Variants in CSRNP3 observed in about 807,000 individuals in gnomAD.
The protein encoded by CSRNP3 is cysteine/serine-rich nuclear protein 3.
CSRNP3 carries 12 observed loss-of-function variants against 48.0 expected under a neutral mutation model. That is an observed-to-expected ratio of 0.25 (90% CI 0.16 to 0.41). The LOEUF is 0.41. Among genes scored for constraint, CSRNP3 ranks in the 10% least tolerant of loss-of-function variants. CSRNP3 has a pLI of 1.00. For missense variants in CSRNP3, 580 were observed against 724.4 expected, an observed-to-expected ratio of 0.80 and a Z score of 2.29; for synonymous variants, 263 against 269.7, an observed-to-expected ratio of 0.98 and a Z score of 0.24.
chr2:165,682,752 C>T lies in CSRNP3; in HGVS notation c.*2999C>T, dbSNP rs147855810. The T allele has an allele frequency of 6.6e-6, 1 of 152,170 alleles. No homozygotes were observed. Among genetic ancestry groups the T allele is most frequent in the African/African-American group, 2.4e-5 (1 of 41,528 alleles). The allele number at this position is 152,170 out of a possible 1,614,324, so 9.4% of individuals were successfully genotyped here. A position where few individuals can be genotyped will look rare whatever the true frequency, so the allele number is the denominator to read the frequency against. ...GCCGTTCTATTCAACAAAGAGCTGC[C>T]CACATGCCAGGAAAGTGCTACAGTC... On this transcript the variant is annotated 3_prime_UTR_variant, in exon 7 of 7. Coordinates refer to ENST00000651982, the MANE Select transcript of CSRNP3 (RefSeq NM_001172173.2).
rs147846034 is a variant in CSRNP3, at chr2:165,679,393, G to A, written c.1398G>A (p.Ser466=). 413 of 1,613,294 alleles carry A rather than the reference G, an allele frequency of 2.6e-4. 1 individual carries two copies. In the East Asian group the frequency reaches 7.2e-3, roughly 28 times the overall value. ...ACACTGTCAAAAATGGTACCCTTTC[G>A]CTGGTGCCTTACACCATGACCCCGG... ...ERDTVKNGTL[S]LVPYTMTPEQ... Residue 466 remains serine (S), a synonymous_variant, in exon 7 of 7, where the codon TCG becomes TCA. Coordinates refer to ENST00000651982, the MANE Select transcript of CSRNP3 (RefSeq NM_001172173.2).
chr2:165,510,077 A>G (rs372916466), intron 2 of CSRNP3, among the ~76,000 whole-genome samples: 1 of 152,224 alleles, frequency 6.6e-6, no homozygotes, highest in African/African-American at 2.4e-5. Flanking sequence ...GGGATATATA[A>G]TATCAGCATA....
chr2:165,668,594 G>C (rs1049377596), intron 5 of CSRNP3, among the ~76,000 whole-genome samples: 3 of 151,752 alleles, frequency 2.0e-5, no homozygotes, highest in African/African-American at 7.3e-5. Context: ...TAGAGACAGG[G>C]TTTCACCATG....
intron 5 of CSRNP3, among the ~76,000 whole-genome samples, chr2:165,674,681 A>AATATATATAT (rs59117817): frequency 0.019 from 1,933 of 103,016 alleles, 43 homozygotes; most frequent in African/African-American, 0.041. Context: ...AATACTTCTG[A>AATATATATAT]ATATATATAT....
chr2:165,667,834 A>G (rs1687260540), intron 5 of CSRNP3, among the ~76,000 whole-genome samples: 1 of 152,176 alleles, frequency 6.6e-6, no homozygotes, highest in Admixed American at 6.5e-5. Flanking sequence ...TTACAACATT[A>G]TATCATATTT....
At position 165,606,825 on chromosome 2, in the gene CSRNP3, C is replaced by T. The variant is rs112297504; in HGVS notation, c.148+11612C>T. ...AGTATTTATGTAATTAAAACACACA[C>T]GCACAGAGAGTGGCACCATTTTTTA... On this transcript the variant is annotated intron_variant, in intron 4 of 6. Transcript: ENST00000651982. 4.9e-4 allele frequency among the ~76,000 whole-genome samples: 75 copies of T among 152,108 alleles called. 1 individual carries two copies. Among genetic ancestry groups the T allele is most frequent in the African/African-American group, 1.8e-3 (73 of 41,524 alleles).
intron 3 of CSRNP3, among the ~76,000 whole-genome samples, chr2:165,540,163 C>G: frequency 6.6e-6 from 1 of 152,096 alleles, no homozygotes; most frequent in East Asian, 1.9e-4. Context: ...AGTTCTCCCT[C>G]TCTTTTGCTC....
At position 165,583,002 on chromosome 2, in the gene CSRNP3, A is replaced by G. The variant is rs546130280; in HGVS notation, c.-23-12041A>G. On this transcript the variant is annotated intron_variant, in intron 3 of 6. Coordinates refer to ENST00000651982, the MANE Select transcript of CSRNP3 (RefSeq NM_001172173.2). ...GGAGTGCTCCCAGGGTTCTTGGCTT[A>G]AGCAGACACTTGGACAAGTGAAGTA... Among the ~76,000 whole-genome samples the G allele has an allele frequency of 2.5e-4, 38 of 152,312 alleles. 2 individuals carry two copies. The highest frequency in any genetic ancestry group is 8.7e-4 in the African/African-American group (36 of 41,572).
intron 4 of CSRNP3, among the ~76,000 whole-genome samples, chr2:165,637,001 A>C (rs963375839): frequency 6.6e-6 from 1 of 152,142 alleles, no homozygotes; most frequent in Non-Finnish European, 1.5e-5. Context: ...TCTGATCCAG[A>C]TAGGTTTGGT....
chr2:165,675,000 A>G (rs1687399766), intron 5 of CSRNP3, among the ~76,000 whole-genome samples: 1 of 152,052 alleles, frequency 6.6e-6, no homozygotes, highest in Non-Finnish European at 1.5e-5. Context: ...GGCACGAGCC[A>G]CTGCACCTGG....
At chr2:165,631,758 C>T (rs1437975900) in intron 4 of CSRNP3, among the ~76,000 whole-genome samples, 2 of 152,234 alleles carry the variant, frequency 1.3e-5, no homozygotes, top group African/African-American at 4.8e-5. Context: ...GCCAAACCCA[C>T]TCTTTCACCA....
chr2:165,687,894 C>T lies in CSRNP3; in HGVS notation c.*8141C>T, dbSNP rs1040142812. ...CTCACCAGAAGATGAGGAACACCCC[C>T]GAAATCAATGTTTCCTTTCTCCATG... is the stretch of plus-strand genomic sequence containing the variant. On this transcript the variant is annotated 3_prime_UTR_variant, in exon 7 of 7. Coordinates refer to ENST00000651982, the MANE Select transcript of CSRNP3 (RefSeq NM_001172173.2). The T allele has an allele frequency of 1.3e-5, 2 of 151,896 alleles. No homozygotes were observed. Among genetic ancestry groups the T allele is most frequent in the Non-Finnish European group, 2.9e-5 (2 of 67,950 alleles). 9.4% of individuals were successfully genotyped at this position (151,896 alleles called of 1,614,324 possible).
At chr2:165,580,130 A>C (rs1466386565) in intron 3 of CSRNP3, among the ~76,000 whole-genome samples, 1 of 151,846 alleles carries the variant, frequency 6.6e-6, no homozygotes, top group African/African-American at 2.4e-5. Context: ...GGGTTTCACC[A>C]CGTTAGCCAG....
chr2:165,480,979 T>C (rs1034132636), intron 1 of CSRNP3, among the ~76,000 whole-genome samples: 16 of 151,122 alleles, frequency 1.1e-4, no homozygotes, highest in African/African-American at 3.4e-4. Flanking sequence ...TGAGATCCTA[T>C]GTCTATAAAA....
intron 4 of CSRNP3, among the ~76,000 whole-genome samples, chr2:165,643,045 C>T (rs1433258829): frequency 6.6e-6 from 1 of 152,104 alleles, no homozygotes; most frequent in Non-Finnish European, 1.5e-5. Context: ...TTAGAGGATT[C>T]TTTAATAACA....
At chr2:165,639,490 A>C (rs1422679706) in intron 4 of CSRNP3, among the ~76,000 whole-genome samples, 1 of 152,260 alleles carries the variant, frequency 6.6e-6, no homozygotes, top group Admixed American at 6.5e-5. Flanking sequence ...TACACGGCTG[A>C]GTAAAGAAGT....
intron 3 of CSRNP3, among the ~76,000 whole-genome samples, chr2:165,592,533 T>C (rs962656831): frequency 6.6e-6 from 1 of 152,062 alleles, no homozygotes; most frequent in African/African-American, 2.4e-5. Context: ...TCATCTTGAA[T>C]TGTAGTTCCC....
At chr2:165,543,439 GATAA>G (rs1388557129) in intron 3 of CSRNP3, among the ~76,000 whole-genome samples, 29 of 152,074 alleles carry the variant, frequency 1.9e-4, no homozygotes, top group African/African-American at 1.9e-4. Flanking sequence ...TTTGAAACTG[GATAA>G]ATAGTTATTA....
chr2:165,675,111 A>G (rs1212315136), intron 5 of CSRNP3, among the ~76,000 whole-genome samples: 1 of 152,056 alleles, frequency 6.6e-6, no homozygotes, highest in Non-Finnish European at 1.5e-5. Flanking sequence ...TTGTTTTTTA[A>G]TACATTCAGA....
Sources: gnomAD v4.1 joint callset for allele counts (sites outside exome capture counted in the v4.1 genomes callset) on GRCh38, gnomAD v4.1.1 for gene constraint, MANE v1.5 for transcripts, NCBI Gene and HGNC (gene_info 2026-07-23, HGNC 2026-07-21) for gene names.